Variants in VPS41 observed in about 807,000 individuals in gnomAD.
VPS41 encodes the protein VPS41 subunit of HOPS complex.
In VPS41, 85 loss-of-function variants were observed where a neutral mutation model predicts 130.9. The observed-to-expected ratio is 0.65, with a 90% confidence interval of 0.55 to 0.78. The LOEUF (loss-of-function observed/expected upper bound fraction) is 0.78, where lower values mean the gene tolerates loss of function less well. Ranked by LOEUF, VPS41 falls within the 30% of genes least tolerant of loss-of-function variation. VPS41 has a pLI of 0.00. For missense variants in VPS41, 874 were observed against 1,018.7 expected (o/e 0.86, Z 1.93); for synonymous variants, 335 against 332.9 (o/e 1.01, Z -0.07).
At chr7:38,761,261 CTCTT>C (rs1783908846) in intron 17 of VPS41, among the ~76,000 whole-genome samples, 1 of 108,602 alleles carries the variant, frequency 9.2e-6, no homozygotes, top group South Asian at 3.2e-4. Context: ...CTCTCTTCCT[CTCTT>C]TTTTTTTTTT....
intron 4 of VPS41, among the ~76,000 whole-genome samples, chr7:38,853,045 T>C (rs973667631): frequency 6.6e-5 from 10 of 152,280 alleles, no homozygotes; most frequent in East Asian, 1.9e-4. Context: ...CCCAAGATAC[T>C]ACTAGATAAT....
chr7:38,808,024 T>G (rs564850025), intron 7 of VPS41, among the ~76,000 whole-genome samples: 12 of 152,240 alleles, frequency 7.9e-5, no homozygotes, highest in African/African-American at 2.6e-4. Context: ...TGGAAATATA[T>G]GAAAAAGTTA....
At chr7:38,890,620 A>G (rs770858901) in intron 2 of VPS41, among the ~76,000 whole-genome samples, 4 of 152,144 alleles carry the variant, frequency 2.6e-5, no homozygotes, top group Non-Finnish European at 4.4e-5. Flanking sequence ...ATTGTACTAG[A>G]GTTACGTAAG....
intron 25 of VPS41, among the ~76,000 whole-genome samples, chr7:38,736,960 T>C (rs1286209080): frequency 6.6e-6 from 1 of 152,212 alleles, no homozygotes; most frequent in Non-Finnish European, 1.5e-5. Context: ...TGAGTTGACC[T>C]TATTTTCAAT....
chr7:38,810,094 G>A (rs2392601), intron 7 of VPS41, among the ~76,000 whole-genome samples: 85,016 of 146,328 alleles, frequency 0.58, 24,560 homozygotes, highest in East Asian at 0.89. Flanking sequence ...TAAGAGATGT[G>A]CTTTCTCTTT....
intron 2 of VPS41, among the ~76,000 whole-genome samples, chr7:38,885,084 A>T (rs867815765): frequency 1.3e-4 from 20 of 151,988 alleles, no homozygotes; most frequent in African/African-American, 4.8e-4. Flanking sequence ...TTATTTATTT[A>T]TTTTTTTGAG....
chr7:38,752,342 C>T, intron 21 of VPS41, 29 bp from the exon 22 acceptor site: 1 of 1,612,042 alleles, frequency 6.2e-7, no homozygotes, highest in Non-Finnish European at 8.5e-7. Context: ...AAGCCGTGAC[C>T]CATTAAAATG....
chr7:38,726,895 A>G lies in VPS41; in HGVS notation c.2484+14T>C. Reference sequence around the variant, plus strand: ...ATTTCCCTCTAGTTGATAGGTGCCAAGCTGCCAACTCACCATGCTGGGCAT... The same window carrying G: ...ATTTCCCTCTAGTTGATAGGTGCCAGGCTGCCAACTCACCATGCTGGGCAT... On this transcript the variant is annotated intron_variant, in intron 28 of 28. Coordinates refer to ENST00000310301, the MANE Select transcript of VPS41 (RefSeq NM_014396.4). 1 of 1,532,102 alleles carries G rather than the reference A, an allele frequency of 6.5e-7. No individual in the cohort carries two copies. Among genetic ancestry groups the G allele is most frequent in the Non-Finnish European group, 8.8e-7 (1 of 1,140,920 alleles). The allele number at this position is 1,532,102 out of a possible 1,614,324, so 94.9% of individuals were successfully genotyped here.
intron 1 of VPS41, among the ~76,000 whole-genome samples, chr7:38,905,060 C>G (rs993063208): frequency 6.6e-6 from 1 of 152,128 alleles, no homozygotes; most frequent in Non-Finnish European, 1.5e-5. Context: ...AATAATTTCA[C>G]GCAAATCCTA....
chr7:38,750,533 GTTCTT>G (rs1783648928), intron 22 of VPS41, among the ~76,000 whole-genome samples: 1 of 152,122 alleles, frequency 6.6e-6, no homozygotes, highest in African/African-American at 2.4e-5. Flanking sequence ...CTTGTGCTGA[GTTCTT>G]TTACATTCAA....
At chr7:38,773,724 A>G (rs1049977677) in intron 12 of VPS41, among the ~76,000 whole-genome samples, 15 of 152,188 alleles carry the variant, frequency 9.9e-5, no homozygotes, top group Non-Finnish European at 1.3e-4. Context: ...TACAAACAAG[A>G]AAGACAACTT....
At chr7:38,815,782 G>C (rs1785035707) in intron 7 of VPS41, among the ~76,000 whole-genome samples, 1 of 152,140 alleles carries the variant, frequency 6.6e-6, no homozygotes, top group Non-Finnish European at 1.5e-5. Context: ...TCTCTTGCTG[G>C]ATGTTTCCTG....
At chr7:38,781,680 C>T (rs1343602342) in intron 10 of VPS41, among the ~76,000 whole-genome samples, 2 of 152,130 alleles carry the variant, frequency 1.3e-5, no homozygotes, top group African/African-American at 2.4e-5. Context: ...TTTCCTCCTG[C>T]TCCCCTTCTA....
At chr7:38,908,715 G>A (rs959609335) in intron 1 of VPS41, among the ~76,000 whole-genome samples, 2 of 152,180 alleles carry the variant, frequency 1.3e-5, no homozygotes, top group African/African-American at 4.8e-5. Context: ...CTCCAGCTCT[G>A]TACCTAACTC....
At chr7:38,757,181 C>T (rs1449515301) in intron 18 of VPS41, among the ~76,000 whole-genome samples, 199 bp from the exon 19 acceptor site, 1 of 152,086 alleles carries the variant, frequency 6.6e-6, no homozygotes, top group Non-Finnish European at 1.5e-5. Flanking sequence ...AGAACTTTGC[C>T]TCTCATGTTG....
At chr7:38,848,946 T>C (rs1301224423) in intron 4 of VPS41, among the ~76,000 whole-genome samples, 3 of 152,086 alleles carry the variant, frequency 2.0e-5, no homozygotes, top group Non-Finnish European at 4.4e-5. Flanking sequence ...AATCAGTAGG[T>C]TCAAGGGACT....
chr7:38,834,425 C>A (rs1785450660), intron 4 of VPS41, among the ~76,000 whole-genome samples: 1 of 152,086 alleles, frequency 6.6e-6, no homozygotes, highest in Non-Finnish European at 1.5e-5. Context: ...TTGTGTGATT[C>A]CATTTACATA....
In VPS41 at chr7:38,878,671, G is replaced by C. The variant is rs1042831625; in HGVS notation, c.61-9418C>G. ...GTCATTTGATAAGTCAGAGGAAAAA[G>C]AAAACGCAGGGCCATCTTGACAGAC... is the stretch of plus-strand genomic sequence containing the variant. On this transcript the variant is annotated intron_variant, in intron 2 of 28. Coordinates refer to ENST00000310301, the MANE Select transcript of VPS41 (RefSeq NM_014396.4). 4.6e-5 allele frequency among the ~76,000 whole-genome samples: 7 copies of C among 152,166 alleles called. No individual in the cohort carries two copies. In the South Asian group the frequency reaches 1.4e-3, roughly 32 times the overall value.
At chr7:38,765,181 T>G (rs1201956442) in intron 16 of VPS41, among the ~76,000 whole-genome samples, 3 of 152,180 alleles carry the variant, frequency 2.0e-5, no homozygotes, top group Non-Finnish European at 4.4e-5. Flanking sequence ...AGCTAGGTGG[T>G]CAATTTTTTC....
Sources: gnomAD v4.1 joint callset for allele counts (sites outside exome capture counted in the v4.1 genomes callset) on GRCh38, gnomAD v4.1.1 for gene constraint, MANE v1.5 for transcripts, NCBI Gene and HGNC (gene_info 2026-07-23, HGNC 2026-07-21) for gene names.